Variants in TTLL5 observed in about 807,000 individuals in gnomAD.
TTLL5 encodes the protein tubulin polyglutamylase TTLL5.
Under a neutral mutation model 168.4 loss-of-function variants are expected in TTLL5, and 132 were observed. That is an observed-to-expected ratio of 0.78 (90% CI 0.68 to 0.91). The LOEUF (loss-of-function observed/expected upper bound fraction) is 0.91, where lower values mean the gene tolerates loss of function less well. Ranked by LOEUF, TTLL5 falls within the 40% of genes least tolerant of loss-of-function variation. The pLI, the probability that TTLL5 is intolerant of heterozygous loss-of-function variation, is 0.00. For missense variants in TTLL5, 1,545 were observed against 1,581.5 expected, an observed-to-expected ratio of 0.98 and a Z score of 0.39; for synonymous variants, 546 against 558.6, an observed-to-expected ratio of 0.98 and a Z score of 0.32.
chr14:75,937,466 G>C (rs1406162643), intron 31 of TTLL5, among the ~76,000 whole-genome samples: 1 of 151,924 alleles, frequency 6.6e-6, no homozygotes. Context: ...TTCACCTCCA[G>C]AATTTTTTTC....
At chr14:75,824,714 T>TTTAAAATTA (rs773933139) in intron 28 of TTLL5, among the ~76,000 whole-genome samples, 16 of 150,916 alleles carry the variant, frequency 1.1e-4, no homozygotes, top group Non-Finnish European at 1.8e-4. Context: ...AGATGGTACA[T>TTTAAAATTA]TTAAAATTAT....
intron 28 of TTLL5, among the ~76,000 whole-genome samples, chr14:75,829,594 G>A (rs1895447485): frequency 6.7e-6 from 1 of 150,012 alleles, no homozygotes; most frequent in Admixed American, 6.6e-5. Flanking sequence ...CAGAAAGCGA[G>A]TGATTTTAAA....
Position 75,766,196 on chromosome 14 carries a change from C to T in TTLL5, c.1843C>T (p.Gln615Ter). The change falls in exon 20 of 32, where the codon CAA becomes TAA. Residue 615 changes from glutamine to a stop codon, truncating the protein, a stop_gained. Coordinates refer to ENST00000298832, the MANE Select transcript of TTLL5 (RefSeq NM_015072.5). LOFTEE classifies it high-confidence loss of function. Reference protein sequence around the residue: ...EESAGFLRENQAKYTPSLTAL... With the variant: ...EESAGFLREN ...GTCTGCAGGATTTCTTAGAGAAAAT[C>T]AAGCCAAATATACACCCTCATTGAC... 6.2e-7 allele frequency: 1 copy of T among 1,614,024 alleles called. No homozygotes were observed.
At chr14:75,876,985 A>T (rs753867310) in intron 29 of TTLL5, among the ~76,000 whole-genome samples, 6 of 152,220 alleles carry the variant, frequency 3.9e-5, no homozygotes, top group Non-Finnish European at 8.8e-5. Context: ...TTCCAGAGGG[A>T]AACGGACAAG....
intron 2 of TTLL5, among the ~76,000 whole-genome samples, chr14:75,668,058 C>T (rs1462238671): frequency 6.6e-6 from 1 of 152,034 alleles, no homozygotes; most frequent in Non-Finnish European, 1.5e-5. Flanking sequence ...CGTGTCCGGC[C>T]CGAGTGTGGA....
intron 15 of TTLL5, among the ~76,000 whole-genome samples, chr14:75,738,647 GAAAAC>G (rs1487419134): frequency 1.3e-5 from 2 of 152,026 alleles, no homozygotes; most frequent in African/African-American, 4.8e-5. Context: ...TCCCATGGCA[GAAAAC>G]AAAACAAAAT....
chr14:75,764,786 A>C lies in TTLL5; in HGVS notation c.1708+14A>C. On this transcript the variant is annotated intron_variant, in intron 19 of 31. Coordinates refer to ENST00000298832, the MANE Select transcript of TTLL5 (RefSeq NM_015072.5). ...CAAAATACCCAGGTACCTGCTGGTG[A>C]GCTTTCACCAAACTCCCTTATCTGG... The C allele has an allele frequency of 6.2e-7, 1 of 1,613,888 alleles. No individual in the cohort carries two copies. The highest frequency in any genetic ancestry group is 1.1e-5 in the South Asian group (1 of 91,062).
At chr14:75,711,159 C>G (rs967187476) in intron 9 of TTLL5, 1 of 152,176 alleles carries the variant, frequency 6.6e-6, no homozygotes, top group Non-Finnish European at 1.5e-5. Context: ...TGGGAGAGCT[C>G]TCACTGTTTT....
At chr14:75,742,678 G>GT (rs1889347099) in intron 15 of TTLL5, among the ~76,000 whole-genome samples, 1 of 152,144 alleles carries the variant, frequency 6.6e-6, no homozygotes, top group Non-Finnish European at 1.5e-5. Flanking sequence ...TTACAGGTGT[G>GT]AGCCACCACA....
chr14:75,739,062 C>G lies in TTLL5; in HGVS notation c.1281+3773C>G, dbSNP rs1199688577. Among the ~76,000 whole-genome samples, 2 of 152,050 alleles carry G rather than the reference C, an allele frequency of 1.3e-5. 1 individual carries two copies. Among genetic ancestry groups the G allele is most frequent in the East Asian group, 3.8e-4 (2 of 5,198 alleles). On this transcript the variant is annotated intron_variant, in intron 15 of 31. Coordinates refer to ENST00000298832, the MANE Select transcript of TTLL5 (RefSeq NM_015072.5). ...GCTCAAGCGATCTGCCTGCCTCGGC[C>G]CTCCCAAAGTGCTGGGATTGCAGGC...
At chr14:75,711,116 C>T (rs1887045583) in intron 9 of TTLL5, 1 of 152,122 alleles carries the variant, frequency 6.6e-6, no homozygotes, top group South Asian at 2.1e-4. Context: ...TGAGTGTTTT[C>T]AGTTGTCCTT....
chr14:75,690,223 T>C lies in TTLL5; in HGVS notation c.403T>C (p.Tyr135His), dbSNP rs1243005311. ...SYELTRKDRLYKNIIRMQHTH... is the reference protein window; with the variant it reads ...SYELTRKDRLHKNIIRMQHTH... ...TGAACTTACCCGGAAGGACCGACTG[T>C]ACAAAAACATTATTCGAATGCAGCA... The change falls in exon 6 of 32, where the codon TAC becomes CAC. Residue 135 changes from tyrosine to histidine, a missense_variant. Physicochemically the swap from Tyr to His is moderately conservative, Grantham distance 83 (BLOSUM62 2). Coordinates refer to ENST00000298832, the MANE Select transcript of TTLL5 (RefSeq NM_015072.5). The C allele has an allele frequency of 1.2e-5, 20 of 1,613,512 alleles. No individual in the cohort carries two copies. Among genetic ancestry groups the C allele is most frequent in the Non-Finnish European group, 1.7e-5 (20 of 1,179,790 alleles).
intron 5 of TTLL5, among the ~76,000 whole-genome samples, chr14:75,687,159 TA>T (rs1192067195): frequency 6.6e-6 from 1 of 152,198 alleles, no homozygotes; most frequent in Non-Finnish European, 1.5e-5. Context: ...ACATAAACTG[TA>T]AAACTTATAG....
rs1472857448 is a variant in TTLL5, at chr14:75,783,030, G to A, written c.2603-117G>A. On this transcript the variant is annotated intron_variant, in intron 25 of 31. Coordinates refer to ENST00000298832, the MANE Select transcript of TTLL5 (RefSeq NM_015072.5). Reference sequence around the variant, plus strand: ...ACTCATTAAAGTCTGTATTTTTCATGATTTCTGTTTCATGCCAAGATTATT... The same window carrying A: ...ACTCATTAAAGTCTGTATTTTTCATAATTTCTGTTTCATGCCAAGATTATT... The A allele has an allele frequency of 2.5e-6, 3 of 1,204,864 alleles. No homozygotes were observed. In the East Asian group the frequency reaches 7.6e-5, roughly 31 times the overall value. 74.6% of individuals were successfully genotyped at this position (1,204,864 alleles called of 1,614,324 possible). A position where few individuals can be genotyped will look rare whatever the true frequency, so the allele number is the denominator to read the frequency against.
chr14:75,911,332 C>T (rs186345208), intron 31 of TTLL5, among the ~76,000 whole-genome samples: 154 of 152,322 alleles, frequency 1.0e-3, no homozygotes, highest in African/African-American at 3.6e-3. Context: ...CGCGCCCAGT[C>T]TGGTTATGCA....
chr14:75,882,704 C>T lies in TTLL5; in HGVS notation c.3542C>T (p.Thr1181Ile), dbSNP rs1157604611. The change falls in exon 30 of 32, where the codon ACA becomes ATA. Residue 1181 changes from threonine (T) to isoleucine (I), a missense_variant. By Grantham distance (89) the Thr-to-Ile change is moderately conservative (BLOSUM62 -1). Transcript: ENST00000298832. ...ARHQAIFGSQTLPNSNLWTMN... is the reference protein window; with the variant it reads ...ARHQAIFGSQILPNSNLWTMN... ...TTGTAGGCAATCTTTGGCAGCCAGA[C>T]ACTACCTAACTCCAATTTATGGACA... 6.2e-7 allele frequency: 1 copy of T among 1,610,480 alleles called. No homozygotes were observed. Among genetic ancestry groups the T allele is most frequent in the South Asian group, 1.1e-5 (1 of 90,274 alleles).
chr14:75,776,810 G>T lies in TTLL5; in HGVS notation c.2347G>T (p.Val783Leu). ...AGTTGAGGAAGAAGAGGAAGATGGG[G>T]TGAATATGGAAAACTTTCAGGAGTT... ...KKVEEEEEDG[V>L]NMENFQEFIR... The change falls in exon 23 of 32, where the codon GTG becomes TTG. Residue 783 changes from valine to leucine, a missense_variant. Coordinates refer to ENST00000298832, the MANE Select transcript of TTLL5 (RefSeq NM_015072.5). 1 of 1,613,948 alleles carries T rather than the reference G, an allele frequency of 6.2e-7. No individual in the cohort carries two copies. The highest frequency in any genetic ancestry group is 1.1e-5 in the South Asian group (1 of 91,066).
intron 28 of TTLL5, among the ~76,000 whole-genome samples, chr14:75,825,548 C>T (rs937521341): frequency 1.1e-4 from 16 of 152,088 alleles, no homozygotes; most frequent in African/African-American, 3.1e-4. Flanking sequence ...TCCTGGGGGT[C>T]GAGCTTTGGG....
At chr14:75,680,615 ATTTTTTTTTTT>A (rs35254410) in intron 3 of TTLL5, among the ~76,000 whole-genome samples, 3 of 102,006 alleles carry the variant, frequency 2.9e-5, no homozygotes, top group African/African-American at 8.1e-5. Flanking sequence ...TAGAGCAGGG[ATTTTTTTTTTT>A]TTTTTTTTTT....
Sources: allele counts gnomAD v4.1 joint callset (sites outside exome capture counted in the v4.1 genomes callset), GRCh38; gene constraint gnomAD v4.1.1; transcripts MANE v1.5; gene names NCBI Gene and HGNC (gene_info 2026-07-23, HGNC 2026-07-21).